The following RPS6KC1 variants were observed in gnomAD, a reference collection of about 807,000 sequenced individuals.
RPS6KC1 encodes inactive ribosomal protein S6 kinase delta-1.
RPS6KC1 carries 54 observed loss-of-function variants against 103.8 expected under a neutral mutation model. The ratio of observed to expected loss-of-function variants is 0.52; its 90% confidence interval spans 0.42 to 0.65. The LOEUF (loss-of-function observed/expected upper bound fraction) is 0.65, where lower values mean the gene tolerates loss of function less well. RPS6KC1 is among the 30% of genes least tolerant of loss of function. The pLI is 0.00. For synonymous variants in RPS6KC1, 439 were observed against 438.7 expected, an observed-to-expected ratio of 1.00 and a Z score of -0.01; for missense variants, 1,151 against 1,253.8, an observed-to-expected ratio of 0.92 and a Z score of 1.24.
the RPS6KC1 span, among the ~76,000 whole-genome samples, chr1:213,629,054 A>T: frequency 6.6e-6 from 1 of 152,206 alleles, no homozygotes; most frequent in South Asian, 2.1e-4. Flanking sequence ...AAGAATGTAG[A>T]TTCTGTTGAT....
intron 6 of RPS6KC1, among the ~76,000 whole-genome samples, chr1:213,155,565 G>T (rs113755235): frequency 0.013 from 1,932 of 152,234 alleles, 46 homozygotes; most frequent in African/African-American, 0.044. Context: ...CCTCACAGTT[G>T]CTGTGTTCTC....
intron 8 of RPS6KC1, among the ~76,000 whole-genome samples, chr1:213,196,378 A>G (rs1023363334): frequency 1.3e-5 from 2 of 151,986 alleles, no homozygotes; most frequent in Non-Finnish European, 1.5e-5. Flanking sequence ...GATTCTCCGT[A>G]TTAGTCCTTT....
the RPS6KC1 span, among the ~76,000 whole-genome samples, chr1:213,828,654 C>A: frequency 6.6e-6 from 1 of 152,060 alleles, no homozygotes. Flanking sequence ...ACTTTTAGAA[C>A]TGAAAAAGAT....
At chr1:213,100,219 T>G (rs887436638) in intron 3 of RPS6KC1, among the ~76,000 whole-genome samples, 12 of 152,162 alleles carry the variant, frequency 7.9e-5, no homozygotes, top group African/African-American at 2.9e-4. Context: ...GCTAATAGGC[T>G]AAAGATTTTT....
the RPS6KC1 span, among the ~76,000 whole-genome samples, chr1:213,328,595 G>T: frequency 2.0e-5 from 3 of 148,848 alleles, no homozygotes; most frequent in African/African-American, 7.4e-5. Context: ...TCCTTTAGGT[G>T]TGGGTAGGAA....
chr1:213,393,989 C>T, the RPS6KC1 span, among the ~76,000 whole-genome samples: 1 of 152,026 alleles, frequency 6.6e-6, no homozygotes, highest in African/African-American at 2.4e-5. Flanking sequence ...AGGGATTAGC[C>T]ACAGCCGAAG....
At chr1:213,457,475 C>A in the RPS6KC1 span, among the ~76,000 whole-genome samples, 3 of 115,210 alleles carry the variant, frequency 2.6e-5, no homozygotes, top group African/African-American at 8.6e-5. Flanking sequence ...CGGGCATCCT[C>A]TCACTGAGCA....
At chr1:213,712,914 C>T in the RPS6KC1 span, among the ~76,000 whole-genome samples, 1 of 152,182 alleles carries the variant, frequency 6.6e-6, no homozygotes, top group South Asian at 2.1e-4. Flanking sequence ...CTGCCTTCTG[C>T]ATTGGTCTCG....
the RPS6KC1 span, among the ~76,000 whole-genome samples, chr1:213,364,457 T>A: frequency 6.6e-6 from 1 of 152,336 alleles, no homozygotes; most frequent in South Asian, 2.1e-4. Flanking sequence ...CAGAGAAGAC[T>A]GGGCTGTGGT....
At chr1:213,756,045 G>A in the RPS6KC1 span, among the ~76,000 whole-genome samples, 1 of 152,186 alleles carries the variant, frequency 6.6e-6, no homozygotes, top group Non-Finnish European at 1.5e-5. Flanking sequence ...GTGTTGAGGT[G>A]CCCACAAATC....
chr1:213,426,228 G>A, the RPS6KC1 span, among the ~76,000 whole-genome samples: 11 of 152,200 alleles, frequency 7.2e-5, no homozygotes, highest in African/African-American at 2.2e-4. Context: ...GTCTGGTATT[G>A]TGTTCTAAAC....
chr1:213,234,980 A>G (rs920381566), intron 10 of RPS6KC1, among the ~76,000 whole-genome samples: 21 of 152,208 alleles, frequency 1.4e-4, no homozygotes, highest in African/African-American at 2.4e-5. Flanking sequence ...GGCTTGAGCA[A>G]TGCAGTGAAC....
At chr1:213,297,823 A>G in the RPS6KC1 span, among the ~76,000 whole-genome samples, 1 of 152,182 alleles carries the variant, frequency 6.6e-6, no homozygotes, top group East Asian at 1.9e-4. Flanking sequence ...AGGTCTCACT[A>G]CATTGCCTAG....
At chr1:213,824,801 A>C in the RPS6KC1 span, among the ~76,000 whole-genome samples, 11 of 152,210 alleles carry the variant, frequency 7.2e-5, no homozygotes, top group Non-Finnish European at 1.5e-5. Flanking sequence ...CAAGTCCATT[A>C]AACCCCTTTT....
the RPS6KC1 span, among the ~76,000 whole-genome samples, chr1:213,638,231 C>T: frequency 9.2e-5 from 14 of 151,924 alleles, no homozygotes; most frequent in Non-Finnish European, 1.8e-4. Flanking sequence ...GAATTTTTAG[C>T]TGGATTGTTT....
the RPS6KC1 span, among the ~76,000 whole-genome samples, chr1:213,508,634 TC>T: frequency 6.6e-6 from 1 of 152,160 alleles, no homozygotes; most frequent in African/African-American, 2.4e-5. Context: ...AATAAGTTTT[TC>T]CTTTTTTTCT....
the RPS6KC1 span, chr1:213,820,870 C>T: frequency 6.6e-6 from 1 of 152,086 alleles, no homozygotes; most frequent in Admixed American, 6.6e-5. Context: ...TTAAGCTGTG[C>T]AGTGAACTAC....
the RPS6KC1 span, among the ~76,000 whole-genome samples, chr1:213,513,872 T>C: frequency 1.3e-5 from 2 of 152,354 alleles, no homozygotes; most frequent in Middle Eastern, 3.4e-3. Context: ...CCAGCCATCT[T>C]AATAGCCATG....
At chr1:213,156,528 G>A (rs1441449106) in intron 6 of RPS6KC1, among the ~76,000 whole-genome samples, 1 of 152,056 alleles carries the variant, frequency 6.6e-6, no homozygotes, top group Admixed American at 6.6e-5. Context: ...ACTACACCAA[G>A]GCACATGATA....
Sources: gnomAD v4.1 joint callset for allele counts (sites outside exome capture counted in the v4.1 genomes callset) on GRCh38, gnomAD v4.1.1 for gene constraint, MANE v1.5 for transcripts, NCBI Gene and HGNC (gene_info 2026-07-23, HGNC 2026-07-21) for gene names.